The following NCOR2 variants were observed in gnomAD, a reference collection of about 807,000 sequenced individuals.
NCOR2 encodes nuclear receptor corepressor 2.
Under a neutral mutation model 262.9 loss-of-function variants are expected in NCOR2, and 81 were observed. The observed-to-expected ratio is 0.31, with a 90% CI of 0.26 to 0.37. The LOEUF is 0.37. Among genes scored for constraint, NCOR2 ranks in the 10% least tolerant of loss-of-function variants. The probability of loss-of-function intolerance (pLI) is 1.00; values close to 1 mark genes in which losing one functional copy is unlikely to be tolerated. For synonymous variants in NCOR2, 1,659 were observed against 1,559.3 expected (o/e 1.06, Z -1.51); for missense variants, 3,385 against 3,621.4 (o/e 0.93, Z 1.68).
At chr12:124,453,318 A>G (rs2045659566) in intron 6 of NCOR2, among the ~76,000 whole-genome samples, 2 of 151,840 alleles carry the variant, frequency 1.3e-5, no homozygotes, top group South Asian at 2.1e-4. Flanking sequence ...GGGAGAAATG[A>G]CCCCTGGGGG....
At chr12:124,468,312 A>ATCC (rs372968341) in intron 4 of NCOR2, among the ~76,000 whole-genome samples, 1,463 of 6,590 alleles carry the variant, frequency 0.22, 1 homozygote, top group African/African-American at 0.25. Flanking sequence ...CACCCTCATC[A>ATCC]TCCTCATCAC....
intron 44 of NCOR2, among the ~76,000 whole-genome samples, chr12:124,330,326 T>C (rs2035072336): frequency 6.6e-6 from 1 of 152,222 alleles, no homozygotes; most frequent in African/African-American, 2.4e-5. Flanking sequence ...CAAAAGATCA[T>C]AGAAGTCTTA....
chr12:124,449,997 A>G (rs1023535528), intron 6 of NCOR2, 130 bp from the exon 9 acceptor site: 39 of 893,422 alleles, frequency 4.4e-5, no homozygotes, highest in Middle Eastern at 5.0e-4. Context: ...GCAGGCAGGC[A>G]TGAAACAGAA....
At chr12:124,335,606 C>G in exon 39 of NCOR2, 1 of 1,605,742 alleles carries the variant, frequency 6.2e-7, no homozygotes, top group South Asian at 1.1e-5. Context: ...TCCACCCCTT[C>G]GGGGCTGTAG....
rs57591636 is a variant in NCOR2, at chr12:124,503,339, T to G, written c.-117-7971A>C. Reference sequence around the variant, plus strand: ...AGGTGCTCAGCAGGGGGTGGCTGGATGGAGGGAGAAGATGGAAGAGGGATA... The same window carrying G: ...AGGTGCTCAGCAGGGGGTGGCTGGAGGGAGGGAGAAGATGGAAGAGGGATA... On this transcript the variant is annotated intron_variant, in intron 1 of 46. Transcript: ENST00000404621. The surrounding 1 kb of genome is among the most constrained non-coding windows in gnomAD (Gnocchi z 4.3). Among the ~76,000 whole-genome samples, 1 of 151,662 alleles carries G rather than the reference T, an allele frequency of 6.6e-6. No homozygotes were observed. Among genetic ancestry groups the G allele is most frequent in the Non-Finnish European group, 1.5e-5 (1 of 67,918 alleles).
intron 40 of NCOR2, 22 bp from the exon 43 acceptor site, chr12:124,334,639 C>T: frequency 7.6e-7 from 1 of 1,310,880 alleles, no homozygotes; most frequent in Non-Finnish European, 9.8e-7. Flanking sequence ...TGGGGGGGCC[C>T]AGAGTCAGGC....
chr12:124,349,949 C>T (rs1330194146), intron 28 of NCOR2, among the ~76,000 whole-genome samples: 1 of 152,180 alleles, frequency 6.6e-6, no homozygotes, highest in Non-Finnish European at 1.5e-5. Context: ...GTGCCACCTC[C>T]ACCTCCCAGG....
chr12:124,342,085 G>GT lies in NCOR2; in HGVS notation c.4937-12_4937-11insA, dbSNP rs2036499697. On this transcript the variant is annotated splice_polypyrimidine_tract_variant and intron_variant, in intron 33 of 46. Transcript: ENST00000405201. ...GGTAGTAGGCAGCGGCTGCGGGGCA[G>GT]AGGGGAGCTCATGTGAGGCCAGCCA... 1 of 1,600,410 alleles carries GT rather than the reference G, an allele frequency of 6.2e-7. No homozygotes were observed. Among genetic ancestry groups the GT allele is most frequent in the African/African-American group, 1.3e-5 (1 of 74,890 alleles).
At position 124,473,594 on chromosome 12, in the gene NCOR2, A is replaced by T. The variant is rs190971743; in HGVS notation, c.412-463T>A. Reference sequence around the variant, plus strand: ...ACTCCCCTTTATGTAATATATATATATATTTTTTCTATTAGTTCTGTCCCT... The same window carrying T: ...ACTCCCCTTTATGTAATATATATATTTATTTTTTCTATTAGTTCTGTCCCT... On this transcript the variant is annotated intron_variant, in intron 3 of 46. Coordinates refer to ENST00000405201, the Ensembl canonical transcript of NCOR2. Among the ~76,000 whole-genome samples the T allele has an allele frequency of 7.5e-4, 114 of 151,788 alleles. No individual in the cohort carries two copies. In the Middle Eastern group the frequency reaches 0.014, roughly 18 times the overall value.
intron 1 of NCOR2, among the ~76,000 whole-genome samples, chr12:124,545,806 T>TG (rs2051525817): frequency 7.8e-6 from 1 of 128,438 alleles, no homozygotes; most frequent in South Asian, 2.6e-4. Flanking sequence ...AGGGTGGGGG[T>TG]GGGGGACGAG....
At chr12:124,337,333 G>T in intron 37 of NCOR2, 153 bp from the exon 40 acceptor site, 1 of 904,542 alleles carries the variant, frequency 1.1e-6, no homozygotes, top group Non-Finnish European at 1.8e-6. Context: ...CAGACTCTGT[G>T]CGTCATGGTT....
upstream of NCOR2, among the ~76,000 whole-genome samples, chr12:124,499,635 G>A (rs766585759): frequency 1.3e-5 from 2 of 152,328 alleles, no homozygotes; most frequent in South Asian, 4.1e-4. Context: ...AGGGGTGAGC[G>A]AGGGCCTGGG....
chr12:124,375,984 G>T (rs1414338310), intron 18 of NCOR2, among the ~76,000 whole-genome samples: 1 of 152,164 alleles, frequency 6.6e-6, no homozygotes, highest in Non-Finnish European at 1.5e-5. Context: ...TCCCCATCCT[G>T]AGCACAAGAG....
intron 45 of NCOR2, among the ~76,000 whole-genome samples, chr12:124,326,651 A>G (rs983260685): frequency 2.0e-5 from 3 of 152,118 alleles, no homozygotes; most frequent in African/African-American, 7.2e-5. Context: ...GCTGTCCTGC[A>G]GCGACCCCAG....
At chr12:124,339,892 T>TGG in intron 37 of NCOR2, 114 bp downstream of exon 39, 3 of 672,814 alleles carry the variant, frequency 4.5e-6, no homozygotes, top group Non-Finnish European at 7.3e-6. Flanking sequence ...CCCACACATC[T>TGG]GCCCACCCAC....
chr12:124,397,153 C>T lies in NCOR2; in HGVS notation c.1876+966G>A, dbSNP rs912718079. ...CACCTCTTAGATAACCGAGAGTGAG[C>T]GTGCCGTGGGAGCCAGGTGCTGCCC... On this transcript the variant is annotated intron_variant, in intron 16 of 46. Transcript: ENST00000405201. 3.3e-5 allele frequency among the ~76,000 whole-genome samples: 5 copies of T among 152,278 alleles called. No homozygotes were observed. In the East Asian group the frequency reaches 7.7e-4, roughly 24 times the overall value.
At chr12:124,404,979 C>A (rs543637782) in intron 13 of NCOR2, among the ~76,000 whole-genome samples, 2 of 152,234 alleles carry the variant, frequency 1.3e-5, no homozygotes, top group African/African-American at 4.8e-5. Context: ...CAAAGGCTGA[C>A]GGCCCAGAGT....
chr12:124,449,657 C>A (rs570875842), intron 7 of NCOR2, among the ~76,000 whole-genome samples, 158 bp downstream of exon 9: 1 of 151,686 alleles, frequency 6.6e-6, no homozygotes, highest in East Asian at 2.0e-4. Context: ...CCAGGTGCCA[C>A]CTAGGACTGT....
At chr12:124,334,491 G>A (rs1473466652) in exon 41 of NCOR2, 5 of 1,455,594 alleles carry the variant, frequency 3.4e-6, no homozygotes, top group Non-Finnish European at 4.5e-6. Context: ...GGGAGGTAGA[G>A]GTCACTGGGT....
Sources: allele counts gnomAD v4.1 joint callset (sites outside exome capture counted in the v4.1 genomes callset), GRCh38; gene constraint gnomAD v4.1.1; non-coding constraint Gnocchi (gnomAD v3.1); transcripts MANE v1.5; gene names NCBI Gene and HGNC (gene_info 2026-07-23, HGNC 2026-07-21).